VNN2: variants seen among roughly 807,000 people sequenced by gnomAD.
VNN2 encodes vanin 2.
VNN2 carries 43 observed loss-of-function variants against 43.0 expected under a neutral mutation model. The ratio of observed to expected loss-of-function variants is 1.00; its 90% CI spans 0.78 to 1.29. The LOEUF (loss-of-function observed/expected upper bound fraction) is 1.29. Among genes scored for constraint, VNN2 ranks in the 50% most tolerant of loss-of-function variants. The probability of loss-of-function intolerance (pLI) is 0.00; values close to 1 mark genes in which losing one functional copy is unlikely to be tolerated. For missense variants in VNN2, 652 were observed against 619.7 expected, an observed-to-expected ratio of 1.05 and a Z score of -0.55; for synonymous variants, 230 against 224.3, an observed-to-expected ratio of 1.03 and a Z score of -0.23.
At chr6:132,760,783 G>A (rs908905047), upstream of VNN2, 3 of 152,054 alleles carry the variant, frequency 2.0e-5, no homozygotes, top group Non-Finnish European at 4.4e-5. Context: ...CCCAAATCTG[G>A]ATGTTTTTCT....
chr6:132,762,018 T>C (rs187348962), upstream of VNN2, among the ~76,000 whole-genome samples: 5 of 152,216 alleles, frequency 3.3e-5, no homozygotes, highest in African/African-American at 1.2e-4. Context: ...TATTTCATTG[T>C]TAGGCCCACA....
intron 6 of VNN2, 144 bp from the exon 7 acceptor site, chr6:132,744,635 G>T: frequency 1.3e-6 from 1 of 765,176 alleles, no homozygotes; most frequent in Non-Finnish European, 1.9e-6. Flanking sequence ...CCAGGCAGGG[G>T]ACAGCCATTT....
At chr6:132,755,566 G>A (rs3778176) in intron 3 of VNN2, among the ~76,000 whole-genome samples, 7,140 of 151,700 alleles carry the variant, frequency 0.047, 250 homozygotes, top group Non-Finnish European at 0.072. Flanking sequence ...GTAGAGACGG[G>A]GTTTCACAAT....
At chr6:132,761,596 G>T (rs1467123399), upstream of VNN2, among the ~76,000 whole-genome samples, 1 of 152,104 alleles carries the variant, frequency 6.6e-6, no homozygotes, top group Non-Finnish European at 1.5e-5. Context: ...GGAGGAGGAG[G>T]TTGCAGTGAG....
At position 132,757,857 on chromosome 6, in the gene VNN2, AGAGATTG is replaced by A; in HGVS notation, c.20_26del (p.Pro7LeufsTer7). ...GGGTTATTAGGGCAAAAACTGCCACAGAGATTGGAAAAGAGGAAGTGACCATGGCCAA... is the reference window on the plus strand; with the variant it reads ...GGGTTATTAGGGCAAAAACTGCCACAGAAAAGAGGAAGTGACCATGGCCAA... On this transcript the variant is annotated frameshift_variant, in exon 1 of 7. Transcript: ENST00000326499. LOFTEE classifies it high-confidence loss of function. 6.2e-7 allele frequency: 1 copy of A among 1,614,076 alleles called. No homozygotes were observed. Among genetic ancestry groups the A allele is most frequent in the Non-Finnish European group, 8.5e-7 (1 of 1,179,960 alleles).
chr6:132,757,630 G>A, intron 1 of VNN2, 41 bp downstream of exon 1: 5 of 1,608,528 alleles, frequency 3.1e-6, no homozygotes, highest in Non-Finnish European at 4.3e-6. Flanking sequence ...CAGCTCCCAT[G>A]CCCCTCGTGT....
At chr6:132,756,787 T>C (rs34726665) in intron 2 of VNN2, among the ~76,000 whole-genome samples, 1 of 152,228 alleles carries the variant, frequency 6.6e-6, no homozygotes, top group Non-Finnish European at 1.5e-5. Context: ...TTTAACACCA[T>C]CTATATGCTG....
chr6:132,748,393 G>C (rs576161428), intron 6 of VNN2, among the ~76,000 whole-genome samples: 1 of 152,272 alleles, frequency 6.6e-6, no homozygotes, highest in East Asian at 1.9e-4. Flanking sequence ...AGGTTACACT[G>C]TATGTTAAAT....
intron 3 of VNN2, among the ~76,000 whole-genome samples, chr6:132,754,569 T>C (rs1780339587): frequency 6.6e-6 from 1 of 152,238 alleles, no homozygotes; most frequent in African/African-American, 2.4e-5. Flanking sequence ...CAGTTTAAGA[T>C]GCTTACAAAA....
At chr6:132,751,010 GT>G (rs34155505) in intron 5 of VNN2, 134 bp downstream of exon 5, 10 of 982,942 alleles carry the variant, frequency 1.0e-5, no homozygotes, top group Admixed American at 2.5e-5. Context: ...GTGTGTGTGT[GT>G]TGTGTGTGTG....
rs1423319790 is a variant in VNN2, at chr6:132,752,507, A to G, written c.780T>C (p.Val260=). ...GATGTGTGTTGGCCACAAGAAGATT[A>G]ACTCCCATTCCCATTGCCCAAGCTG... The part of the protein sequence containing the change: ...FHSAWAMGMG[V]NLLVANTHHV... Residue 260 remains valine (V), a synonymous_variant, in exon 4 of 7, where the codon GTT becomes GTC. Coordinates refer to ENST00000326499, the MANE Select transcript of VNN2 (RefSeq NM_004665.6). 1 of 1,614,056 alleles carries G rather than the reference A, an allele frequency of 6.2e-7. No homozygotes were observed. The highest frequency in any genetic ancestry group is 1.1e-5 in the South Asian group (1 of 91,078).
At chr6:132,762,714 C>A (rs1281064298), upstream of VNN2, among the ~76,000 whole-genome samples, 1 of 152,166 alleles carries the variant, frequency 6.6e-6, no homozygotes, top group Non-Finnish European at 1.5e-5. Context: ...GAAACCAGAG[C>A]AAATCTGAGA....
At chr6:132,762,104 T>G (rs1408478422), upstream of VNN2, among the ~76,000 whole-genome samples, 1 of 152,192 alleles carries the variant, frequency 6.6e-6, no homozygotes, top group East Asian at 1.9e-4. Context: ...GAAATGGGGT[T>G]GACAGGGTAC....
Position 132,751,395 on chromosome 6 carries a change from G to T in VNN2, c.950C>A (p.Ala317Asp). Residue 317 changes from alanine (A) to aspartate (D), a missense_variant, in exon 5 of 7, where the codon GCT becomes GAT. Ala to Asp is a moderately radical substitution (Grantham distance 126). Transcript: ENST00000326499. ...GGTGGCGTAGGCATTCCAATTAACA[G>T]CTGTTGGGTAGGCAAGCGAGGATAG... ...HPLSSLAYPTAVNWNAYATTI... is the reference protein window; with the variant it reads ...HPLSSLAYPTDVNWNAYATTI... The T allele has an allele frequency of 1.2e-6, 2 of 1,614,160 alleles. No homozygotes were observed. The highest frequency in any genetic ancestry group is 1.7e-6 in the Non-Finnish European group (2 of 1,180,030).
rs773322115 is a variant in VNN2, at chr6:132,751,280, T to C, written c.1065A>G (p.Ala355=). The change falls in exon 5 of 7, where the codon GCA becomes GCG. Residue 355 remains alanine (A), a synonymous_variant. Coordinates refer to ENST00000326499, the MANE Select transcript of VNN2 (RefSeq NM_004665.6). The stretch of plus-strand genomic sequence containing the variant: ...CCTTTTGACAGACTGTAAGGTTTCC[T>C]GCATTTTCAAAAAGTTCTGTGAAGT... ...GFNFTELFEN[A]GNLTVCQKEL... 8 of 1,614,078 alleles carry C rather than the reference T, an allele frequency of 5.0e-6. No individual in the cohort carries two copies. The Admixed American group carries it at 6.7e-5, about 13-fold the overall frequency.
At chr6:132,754,546 G>A (rs2114596617) in intron 3 of VNN2, among the ~76,000 whole-genome samples, 1 of 152,286 alleles carries the variant, frequency 6.6e-6, no homozygotes, top group South Asian at 2.1e-4. Context: ...CCACTCCAAA[G>A]ATTCTGAGGC....
chr6:132,751,224 A>G lies in VNN2; in HGVS notation c.1121T>C (p.Leu374Ser). 5 of 1,614,154 alleles carry G rather than the reference A, an allele frequency of 3.1e-6. No individual in the cohort carries two copies. Among genetic ancestry groups the G allele is most frequent in the Non-Finnish European group, 4.2e-6 (5 of 1,180,028 alleles). ...ELCCHLSYRM[L>S]QKEENEVYVL... is the part of the protein sequence containing the mutation. ...GTATACTTCATTCTCTTCTTTTTGT[A>G]ACATTCTGTAGCTTAAATGACAGCA... The change falls in exon 5 of 7, where the codon TTA becomes TCA. Residue 374 changes from leucine (L) to serine (S), a missense_variant. Coordinates refer to ENST00000326499, the MANE Select transcript of VNN2 (RefSeq NM_004665.6).
chr6:132,753,951 TAAA>T (rs61004061), intron 3 of VNN2: 4 of 94,166 alleles, frequency 4.2e-5, no homozygotes, highest in East Asian at 4.0e-4. Context: ...AGACTCTGCC[TAAA>T]AAAAAAAAAA....
chr6:132,758,528 T>C (rs1049428605), upstream of VNN2, among the ~76,000 whole-genome samples: 13 of 152,162 alleles, frequency 8.5e-5, no homozygotes, highest in Admixed American at 3.3e-4. Flanking sequence ...CTTTTGTTAA[T>C]AGAAACTCAT....
Sources: gnomAD v4.1 joint callset for allele counts (sites outside exome capture counted in the v4.1 genomes callset) on GRCh38, gnomAD v4.1.1 for gene constraint, MANE v1.5 for transcripts, NCBI Gene and HGNC (gene_info 2026-07-23, HGNC 2026-07-21) for gene names.